Variants in NUP210L observed in about 807,000 individuals in gnomAD.
NUP210L encodes nucleoporin 210 like, also known as nuclear pore membrane glycoprotein 210-like.
Under a neutral mutation model 208.5 loss-of-function variants are expected in NUP210L, and 74 were observed. That is an observed-to-expected ratio of 0.35 (90% CI 0.29 to 0.43). The LOEUF (loss-of-function observed/expected upper bound fraction) is 0.43, where lower values mean the gene tolerates loss of function less well. Among genes scored for constraint, NUP210L ranks in the 20% least tolerant of loss-of-function variants. NUP210L has a pLI of 1.00. For synonymous variants in NUP210L, 780 were observed against 816.9 expected (o/e 0.95, Z 0.77); for missense variants, 1,843 against 2,289.4 (o/e 0.81, Z 3.98).
chr1:154,137,532 C>T (rs566803410), intron 6 of NUP210L, among the ~76,000 whole-genome samples: 14 of 139,856 alleles, frequency 1.0e-4, no homozygotes, highest in African/African-American at 3.8e-4. Flanking sequence ...GCCTGGGTGA[C>T]AGAGAGAGAC....
exon 15 of NUP210L, chr1:154,095,060 G>T (rs909228398): frequency 1.9e-6 from 3 of 1,614,010 alleles, no homozygotes; most frequent in Non-Finnish European, 2.5e-6. Context: ...AAAAAAAATC[G>T]GGAGGGCTCC....
chr1:154,142,585 T>C (rs189179526), intron 3 of NUP210L, among the ~76,000 whole-genome samples: 2 of 152,176 alleles, frequency 1.3e-5, no homozygotes, highest in Non-Finnish European at 2.9e-5. Context: ...CAGTGGTAGA[T>C]TTGGGTATCT....
intron 32 of NUP210L, among the ~76,000 whole-genome samples, chr1:154,019,813 C>T (rs752058500): frequency 6.6e-6 from 1 of 152,026 alleles, no homozygotes; most frequent in Non-Finnish European, 1.5e-5. Flanking sequence ...CTAGTTCCAG[C>T]TACTTGAGAG....
chr1:154,127,212 G>T (rs768884119), intron 9 of NUP210L, 99 bp downstream of exon 9: 1 of 452,918 alleles, frequency 2.2e-6, no homozygotes, highest in Non-Finnish European at 3.9e-6. Flanking sequence ...TAGAATCAAA[G>T]AAAGAAAGAG....
intron 16 of NUP210L, among the ~76,000 whole-genome samples, chr1:154,080,819 A>G (rs550899662): frequency 4.6e-5 from 7 of 152,084 alleles, no homozygotes; most frequent in African/African-American, 1.7e-4. Flanking sequence ...TAAAAATACA[A>G]AAATTAGCTG....
intron 14 of NUP210L, 65 bp downstream of exon 14, chr1:154,099,932 GC>G: frequency 6.8e-7 from 1 of 1,474,932 alleles, no homozygotes; most frequent in Non-Finnish European, 9.4e-7. Flanking sequence ...TAGCTAGTAA[GC>G]CCATAAGCAG....
chr1:154,116,536 C>T (rs777135804), intron 12 of NUP210L, among the ~76,000 whole-genome samples: 2 of 152,050 alleles, frequency 1.3e-5, no homozygotes, highest in Non-Finnish European at 2.9e-5. Flanking sequence ...TGGGACCAGC[C>T]TGGGCAACAC....
chr1:154,147,804 C>T (rs1285710979), intron 2 of NUP210L, among the ~76,000 whole-genome samples: 1 of 149,534 alleles, frequency 6.7e-6, no homozygotes, highest in African/African-American at 2.5e-5. Flanking sequence ...TACAGGCACA[C>T]ACCACCATGC....
At chr1:154,107,718 T>C (rs1656840854) in intron 12 of NUP210L, among the ~76,000 whole-genome samples, 1 of 151,614 alleles carries the variant, frequency 6.6e-6, no homozygotes, top group Non-Finnish European at 1.5e-5. Context: ...ATAGAAAGAA[T>C]AAGCTGGGCA....
chr1:154,029,864 T>C (rs1013333242), intron 28 of NUP210L, 32 bp downstream of exon 28: 1 of 1,559,492 alleles, frequency 6.4e-7, no homozygotes, highest in African/African-American at 1.4e-5. Flanking sequence ...ATCCTTAATA[T>C]ACGAAAATAA....
chr1:154,082,479 T>C (rs1162721138), intron 16 of NUP210L, among the ~76,000 whole-genome samples: 5 of 152,126 alleles, frequency 3.3e-5, no homozygotes, highest in African/African-American at 9.7e-5. Context: ...TTAGAGCTTG[T>C]AGATAGTTGA....
chr1:154,107,786 A>G (rs1044682204), intron 12 of NUP210L, among the ~76,000 whole-genome samples: 2 of 152,032 alleles, frequency 1.3e-5, no homozygotes, highest in African/African-American at 4.8e-5. Flanking sequence ...AAATCACTTG[A>G]ACCTAGGAGG....
chr1:154,054,713 A>T, intron 24 of NUP210L, 57 bp downstream of exon 24: 27 of 1,144,328 alleles, frequency 2.4e-5, no homozygotes, highest in Middle Eastern at 1.9e-4. Context: ...TGTGTGTGAG[A>T]GAGAGAGAGA....
intron 35 of NUP210L, among the ~76,000 whole-genome samples, chr1:154,009,296 T>G (rs1650760279): frequency 6.6e-6 from 1 of 152,148 alleles, no homozygotes; most frequent in Admixed American, 6.6e-5. Flanking sequence ...CTATTTCCAC[T>G]TTCCACTTGT....
chr1:154,009,980 A>G (rs202185365), exon 35 of NUP210L: 96 of 1,610,170 alleles, frequency 6.0e-5, no homozygotes, highest in Non-Finnish European at 7.8e-5. Flanking sequence ...ACCTTTCTCC[A>G]TACTGAAATC....
chr1:154,075,363 A>G (rs1343407899), intron 16 of NUP210L, among the ~76,000 whole-genome samples: 2 of 152,152 alleles, frequency 1.3e-5, no homozygotes, highest in Non-Finnish European at 2.9e-5. Context: ...AGATGACTCA[A>G]TGACTCAACA....
At chr1:154,040,435 G>C (rs537523570) in intron 27 of NUP210L, among the ~76,000 whole-genome samples, 1 of 151,796 alleles carries the variant, frequency 6.6e-6, no homozygotes, top group South Asian at 2.1e-4. Context: ...AGAAGAAGGA[G>C]GAGGAGCAGA....
chr1:154,067,365 C>G (rs1167208666), intron 17 of NUP210L, among the ~76,000 whole-genome samples: 1 of 152,150 alleles, frequency 6.6e-6, no homozygotes, highest in Non-Finnish European at 1.5e-5. Flanking sequence ...TCAATAGTTG[C>G]AGGAAAGGCC....
At chr1:153,996,291 CAAACA>C (rs1200577554) in intron 37 of NUP210L, among the ~76,000 whole-genome samples, 3 of 152,142 alleles carry the variant, frequency 2.0e-5, no homozygotes, top group South Asian at 2.1e-4. Flanking sequence ...GACTCTATTT[CAAACA>C]AAACAAAACA....
Sources: allele counts gnomAD v4.1 joint callset (sites outside exome capture counted in the v4.1 genomes callset), GRCh38; gene constraint gnomAD v4.1.1; transcripts MANE v1.5; gene names NCBI Gene and HGNC (gene_info 2026-07-23, HGNC 2026-07-21).